FRMPD4: variants seen among roughly 807,000 people sequenced by gnomAD.
FRMPD4 encodes FERM and PDZ domain-containing protein 4.
Under a neutral mutation model 94.1 loss-of-function variants are expected in FRMPD4, and 22 were observed. The observed-to-expected ratio is 0.23, with a 90% confidence interval of 0.17 to 0.33. The LOEUF (loss-of-function observed/expected upper bound fraction) is 0.33. Ranked by LOEUF, FRMPD4 falls within the 10% of genes least tolerant of loss-of-function variation. FRMPD4 has a pLI of 1.00. For synonymous variants in FRMPD4, 631 were observed against 548.6 expected, an observed-to-expected ratio of 1.15 and a Z score of -2.10; for missense variants, 1,111 against 1,339.9, an observed-to-expected ratio of 0.83 and a Z score of 2.67.
At chrX:11,882,357 T>G (rs900035778) in intron 3 of FRMPD4, among the ~76,000 whole-genome samples, 1 of 110,829 alleles carries the variant, frequency 9.0e-6, no homozygotes, top group Non-Finnish European at 1.9e-5. Flanking sequence ...GCGTTCAAGA[T>G]TATAATAGTG....
At chrX:12,086,365 T>C (rs1289478739) in intron 3 of FRMPD4, among the ~76,000 whole-genome samples, 1 of 112,260 alleles carries the variant, frequency 8.9e-6, no homozygotes, top group Non-Finnish European at 1.9e-5. Flanking sequence ...TGTTTTGTTG[T>C]TGTTGTTGTT....
At chrX:12,476,993 G>T (rs1305432135) in intron 1 of FRMPD4, among the ~76,000 whole-genome samples, 1 of 111,882 alleles carries the variant, frequency 8.9e-6, no homozygotes, top group Non-Finnish European at 1.9e-5. Context: ...CTGCTATAAA[G>T]ACACATGCAC....
At chrX:12,696,973 C>G (rs924502979) in intron 9 of FRMPD4, among the ~76,000 whole-genome samples, 4 of 111,558 alleles carry the variant, frequency 3.6e-5, no homozygotes, top group Non-Finnish European at 5.6e-5. Context: ...TGGGGGCACT[C>G]AGGGTGAGGC....
chrX:12,385,346 C>T (rs1301055038), intron 1 of FRMPD4, among the ~76,000 whole-genome samples: 3 of 112,407 alleles, frequency 2.7e-5, no homozygotes, highest in African/African-American at 9.7e-5. Context: ...GTTTAAAGAG[C>T]ACACTAAGAA....
At chrX:12,075,628 T>C (rs910326916) in intron 3 of FRMPD4, among the ~76,000 whole-genome samples, 4 of 112,063 alleles carry the variant, frequency 3.6e-5, no homozygotes, top group Non-Finnish European at 7.5e-5. Context: ...TGTCTCCTCA[T>C]TGCCAGCCAA....
At chrX:12,053,430 G>GAAAGAAAGAAAGAGAA (rs1216485129) in intron 3 of FRMPD4, among the ~76,000 whole-genome samples, 1 of 83,589 alleles carries the variant, frequency 1.2e-5, no homozygotes. Context: ...AAGAAAGAAA[G>GAAAGAAAGAAAGAGAA]AGAAAGAAAG....
At chrX:12,248,068 T>A (rs2053979901) in intron 1 of FRMPD4, among the ~76,000 whole-genome samples, 1 of 112,398 alleles carries the variant, frequency 8.9e-6, no homozygotes, top group South Asian at 3.7e-4. Flanking sequence ...TATTGTTCCT[T>A]GTAACTCACA....
intron 1 of FRMPD4, among the ~76,000 whole-genome samples, chrX:12,158,627 G>A (rs1015232493): frequency 3.6e-5 from 4 of 111,922 alleles, no homozygotes; most frequent in African/African-American, 1.3e-4. Flanking sequence ...TCATATAGAT[G>A]TGTCTTTTTT....
intron 1 of FRMPD4, among the ~76,000 whole-genome samples, chrX:12,155,581 CAAAAAAAAAAAAAAAA>C (rs60727413): frequency 4.6e-5 from 1 of 21,912 alleles, no homozygotes. Flanking sequence ...CATATCCTCA[CAAAAAAAAAAAAAAAA>C]AAAAAAAAAA....
chrX:12,435,303 T>C (rs2407847), intron 1 of FRMPD4, among the ~76,000 whole-genome samples: 19,090 of 111,230 alleles, frequency 0.17, 2,494 homozygotes, highest in African/African-American at 0.45. Context: ...TCCTAAAACA[T>C]TTTTAAATCA....
chrX:12,642,579 T>C (rs1017651171), intron 4 of FRMPD4, among the ~76,000 whole-genome samples: 59 of 112,971 alleles, frequency 5.2e-4, no homozygotes, highest in African/African-American at 1.8e-3. Flanking sequence ...TCTGGCCTAC[T>C]ACCTGTTTGT....
At chrX:12,196,714 G>T (rs1044044934) in intron 1 of FRMPD4, among the ~76,000 whole-genome samples, 1 of 108,146 alleles carries the variant, frequency 9.2e-6, no homozygotes, top group Non-Finnish European at 1.9e-5. Flanking sequence ...TGAAATATAT[G>T]TTTCAAATAT....
intron 3 of FRMPD4, among the ~76,000 whole-genome samples, chrX:12,049,095 A>G (rs1417533631): frequency 1.8e-5 from 2 of 111,714 alleles, no homozygotes; most frequent in African/African-American, 6.5e-5. Flanking sequence ...CATTTTAACA[A>G]TATTGATTTT....
At chrX:12,279,871 C>T (rs1049897325) in intron 1 of FRMPD4, among the ~76,000 whole-genome samples, 8 of 111,084 alleles carry the variant, frequency 7.2e-5, no homozygotes, top group Non-Finnish European at 1.1e-4. Context: ...TGGCCATGAA[C>T]ACTGACTCTG....
chrX:12,510,163 A>T (rs2058028644), intron 2 of FRMPD4, among the ~76,000 whole-genome samples: 1 of 112,344 alleles, frequency 8.9e-6, no homozygotes, highest in Non-Finnish European at 1.9e-5. Flanking sequence ...TGGTTTATGT[A>T]CCTAAAAAAT....
chrX:12,345,077 GATGGATGA>G (rs1454089824), intron 1 of FRMPD4, among the ~76,000 whole-genome samples: 1 of 109,516 alleles, frequency 9.1e-6, no homozygotes, highest in Non-Finnish European at 1.9e-5. Flanking sequence ...TGGATGGATT[GATGGATGA>G]ATGAATGAAT....
At chrX:12,191,215 A>G (rs995250439) in intron 1 of FRMPD4, among the ~76,000 whole-genome samples, 9 of 112,260 alleles carry the variant, frequency 8.0e-5, no homozygotes, top group Non-Finnish European at 1.5e-4. Flanking sequence ...CATCTATTAG[A>G]ATGGCCAAGA....
chrX:12,275,306 C>T, intron 1 of FRMPD4, among the ~76,000 whole-genome samples: 1 of 110,841 alleles, frequency 9.0e-6, no homozygotes, highest in Non-Finnish European at 1.9e-5. Context: ...CACCTTCTGC[C>T]ATGAGTGAAA....
chrX:12,353,340 G>T (rs1278678743), intron 1 of FRMPD4, among the ~76,000 whole-genome samples: 2 of 112,132 alleles, frequency 1.8e-5, no homozygotes, highest in African/African-American at 3.2e-5. Context: ...TCTCTGCATG[G>T]ATTGGCCCAT....
Sources: allele counts gnomAD v4.1 joint callset (sites outside exome capture counted in the v4.1 genomes callset), GRCh38; gene constraint gnomAD v4.1.1; transcripts MANE v1.5; gene names NCBI Gene and HGNC (gene_info 2026-07-23, HGNC 2026-07-21).